Variants in FGF14 observed in about 807,000 individuals in gnomAD.
The protein encoded by FGF14 is fibroblast growth factor homologous factor 4.
Under a neutral mutation model 25.5 loss-of-function variants are expected in FGF14, and 5 were observed. The observed-to-expected ratio is 0.20, with a 90% confidence interval of 0.10 to 0.41. FGF14 has a LOEUF of 0.41. FGF14 is among the 10% of genes least tolerant of loss of function. The probability of loss-of-function intolerance (pLI) is 1.00; values close to 1 mark genes in which losing one functional copy is unlikely to be tolerated. For missense variants in FGF14, 222 were observed against 320.1 expected (o/e 0.69, Z 2.34); for synonymous variants, 138 against 118.3 (o/e 1.17, Z -1.08).
chr13:101,854,810 C>T (rs1253036989), intron 3 of FGF14, among the ~76,000 whole-genome samples: 1 of 151,910 alleles, frequency 6.6e-6, no homozygotes, highest in Non-Finnish European at 1.5e-5. Flanking sequence ...AAGTCATTTG[C>T]CTTTGAAGAG....
intron 3 of FGF14, among the ~76,000 whole-genome samples, chr13:101,809,220 C>T (rs2041363729): frequency 6.6e-6 from 1 of 152,190 alleles, no homozygotes; most frequent in East Asian, 1.9e-4. Context: ...TGTACATACT[C>T]AGAAAAATTA....
chr13:101,788,542 G>T (rs889584648), intron 3 of FGF14, among the ~76,000 whole-genome samples: 1 of 152,080 alleles, frequency 6.6e-6, no homozygotes. Flanking sequence ...CCGGAAGCAT[G>T]TTGTTGTAAG....
At chr13:101,948,897 T>C (rs2035985890) in intron 1 of FGF14, among the ~76,000 whole-genome samples, 1 of 152,198 alleles carries the variant, frequency 6.6e-6, no homozygotes, top group Non-Finnish European at 1.5e-5. Flanking sequence ...AAAGTTTTTT[T>C]TTCTGTCTTA....
In FGF14 at chr13:101,713,055, TAAAA is replaced by T. The variant is rs1334029370; in HGVS notation, c.*9772_*9775del. The T allele has an allele frequency of 6.6e-6, 1 of 152,244 alleles. No individual in the cohort carries two copies. Among genetic ancestry groups the T allele is most frequent in the African/African-American group, 2.4e-5 (1 of 41,466 alleles). 9.4% of individuals were successfully genotyped at this position (152,244 alleles called of 1,614,324 possible). On this transcript the variant is annotated 3_prime_UTR_variant, in exon 5 of 5. Coordinates refer to ENST00000376143, the MANE Select transcript of FGF14 (RefSeq NM_004115.4). ...ATTATGCCATAGCTACGCAAGAAGT[TAAAA>T]AACACAATTGTCACAATCTAAATAA...
rs546826665 is a variant in FGF14, at chr13:101,790,909, G to A, written c.409-64099C>T. On this transcript the variant is annotated intron_variant, in intron 3 of 4. Transcript: ENST00000376143. ...TGTTTTTATGTGTACCAACTATAAC[G>A]TGAATTTGGTATCGATATTTGTGCC... Among the ~76,000 whole-genome samples the A allele has an allele frequency of 9.2e-5, 14 of 152,266 alleles. No individual in the cohort carries two copies. The South Asian group carries it at 1.2e-3, about 14-fold the overall frequency.
intron 3 of FGF14, among the ~76,000 whole-genome samples, chr13:101,866,491 G>T (rs886469351): frequency 6.6e-6 from 1 of 152,046 alleles, no homozygotes; most frequent in South Asian, 2.1e-4. Context: ...CTTATAAAAG[G>T]TTATTGGGAT....
At chr13:102,306,310 C>G (rs532958173) in intron 1 of FGF14, among the ~76,000 whole-genome samples, 1 of 152,256 alleles carries the variant, frequency 6.6e-6, no homozygotes, top group Admixed American at 6.5e-5. Context: ...AGATGAAGAG[C>G]CATTCCTGGC....
chr13:101,726,600 C>T lies in FGF14; in HGVS notation c.607+12G>A, dbSNP rs776743423. The T allele has an allele frequency of 6.8e-6, 11 of 1,611,108 alleles. No individual in the cohort carries two copies. The South Asian group carries it at 1.1e-4, about 16-fold the overall frequency. ...TAAGTCTATGTAATAATAATGCATG[C>T]ATAATACTCACCTTCCAATGGCTTG... On this transcript the variant is annotated intron_variant, in intron 4 of 4. Coordinates refer to ENST00000376143, the MANE Select transcript of FGF14 (RefSeq NM_004115.4).
intron 1 of FGF14, among the ~76,000 whole-genome samples, chr13:102,051,218 T>C (rs892716584): frequency 7.9e-5 from 12 of 152,168 alleles, no homozygotes; most frequent in African/African-American, 2.7e-4. Context: ...TCAGCTGCCA[T>C]AGAGAGCTAG....
chr13:102,240,216 G>C (rs557480082), intron 1 of FGF14, among the ~76,000 whole-genome samples: 1 of 152,102 alleles, frequency 6.6e-6, no homozygotes, highest in South Asian at 2.1e-4. Flanking sequence ...ATGAACAGGA[G>C]TTTAGAAGGT....
chr13:101,887,860 A>G (rs1468930044), intron 1 of FGF14, among the ~76,000 whole-genome samples: 1 of 152,162 alleles, frequency 6.6e-6, no homozygotes, highest in Non-Finnish European at 1.5e-5. Context: ...AATATGCACA[A>G]TCTTTATGTA....
chr13:102,328,768 C>A (rs1228713351), intron 1 of FGF14, among the ~76,000 whole-genome samples: 2 of 152,164 alleles, frequency 1.3e-5, no homozygotes, highest in Non-Finnish European at 2.9e-5. Context: ...GGAGCCCTAA[C>A]AAATAAATGG....
At chr13:101,760,179 T>TG (rs1311810639) in intron 3 of FGF14, among the ~76,000 whole-genome samples, 1 of 152,192 alleles carries the variant, frequency 6.6e-6, no homozygotes, top group Admixed American at 6.5e-5. Flanking sequence ...GAGTGAAATA[T>TG]GAACCAGTAC....
chr13:102,118,274 T>C (rs1254713786), intron 1 of FGF14, among the ~76,000 whole-genome samples: 8 of 151,992 alleles, frequency 5.3e-5, no homozygotes, highest in Admixed American at 5.2e-4. Flanking sequence ...TAAATAAATA[T>C]ATTGTTATTA....
intron 1 of FGF14, among the ~76,000 whole-genome samples, chr13:101,912,795 C>T (rs954747036): frequency 3.3e-5 from 5 of 151,978 alleles, no homozygotes; most frequent in African/African-American, 4.8e-5. Flanking sequence ...CTAAAATTAT[C>T]TAGTTAGATC....
At chr13:101,798,920 C>A (rs1035889904) in intron 3 of FGF14, among the ~76,000 whole-genome samples, 3 of 152,106 alleles carry the variant, frequency 2.0e-5, no homozygotes, top group African/African-American at 7.2e-5. Flanking sequence ...GAGCTAACTG[C>A]AGTTTTAAAG....
At chr13:101,958,727 A>G (rs1278693563) in intron 1 of FGF14, among the ~76,000 whole-genome samples, 1 of 152,210 alleles carries the variant, frequency 6.6e-6, no homozygotes, top group Non-Finnish European at 1.5e-5. Context: ...CAATCTCAGA[A>G]CATATGCACC....
At chr13:101,827,742 TAATA>T (rs2042458833) in intron 3 of FGF14, among the ~76,000 whole-genome samples, 2 of 151,914 alleles carry the variant, frequency 1.3e-5, no homozygotes, top group African/African-American at 4.8e-5. Flanking sequence ...AACATTACAT[TAATA>T]ATTACTGCTA....
At chr13:102,359,853 TAAA>T (rs34833298) in intron 1 of FGF14, among the ~76,000 whole-genome samples, 4 of 140,852 alleles carry the variant, frequency 2.8e-5, no homozygotes, top group African/African-American at 7.8e-5. Flanking sequence ...AACTTTATGT[TAAA>T]AAAAAAAAAA....
Sources: gnomAD v4.1 joint callset for allele counts (sites outside exome capture counted in the v4.1 genomes callset) on GRCh38, gnomAD v4.1.1 for gene constraint, MANE v1.5 for transcripts, NCBI Gene and HGNC (gene_info 2026-07-23, HGNC 2026-07-21) for gene names.